Variants in SLC17A7 observed in about 807,000 individuals in gnomAD.
The protein encoded by SLC17A7 is vesicular glutamate transporter 1.
SLC17A7 carries 15 observed loss-of-function variants against 59.1 expected under a neutral mutation model. That is an observed-to-expected ratio of 0.25 (90% CI 0.17 to 0.39). The LOEUF is 0.39. Among genes scored for constraint, SLC17A7 ranks in the 10% least tolerant of loss-of-function variants. The pLI is 1.00. For synonymous variants in SLC17A7, 353 were observed against 308.9 expected, an observed-to-expected ratio of 1.14 and a Z score of -1.50; for missense variants, 499 against 765.1, an observed-to-expected ratio of 0.65 and a Z score of 4.10.
intron 3 of SLC17A7, 136 bp from the exon 4 acceptor site, chr19:49,435,018 T>C (rs1232276663): frequency 9.9e-7 from 1 of 1,010,358 alleles, no homozygotes; most frequent in Admixed American, 1.9e-5. Context: ...TACACCTTCC[T>C]CAATCGCAAG....
rs1157688178 is a variant in SLC17A7, at chr19:49,431,069, G to T, written c.1335C>A (p.Gly445=). The T allele has an allele frequency of 6.2e-7, 1 of 1,613,786 alleles. No homozygotes were observed. Among genetic ancestry groups the T allele is most frequent in the South Asian group, 1.1e-5 (1 of 91,072 alleles). ...SILMGISNGV[G]TLSGMVCPII... ...TGGGGCACACCATGCCCGACAGTGT[G>T]CCCACGCCGTTGGAGATGCCCATGA... Residue 445 remains glycine, a synonymous_variant, in exon 11 of 12, where the codon GGC becomes GGA. Coordinates refer to ENST00000221485, the MANE Select transcript of SLC17A7 (RefSeq NM_020309.4). This position sits in a 1 kb window ranked among gnomAD's most constrained non-coding sequence, Gnocchi z 4.6.
intron 1 of SLC17A7, among the ~76,000 whole-genome samples, chr19:49,439,367 C>T (rs1171798976): frequency 6.6e-6 from 1 of 152,152 alleles, no homozygotes; most frequent in African/African-American, 2.4e-5. Context: ...CCCTCGGCAT[C>T]CCCCTGCCCA....
At position 49,431,796 on chromosome 19, in the gene SLC17A7, T is replaced by A. The variant is rs938000196; in HGVS notation, c.1151-348A>T. On this transcript the variant is annotated intron_variant, in intron 9 of 11. Coordinates refer to ENST00000221485, the MANE Select transcript of SLC17A7 (RefSeq NM_020309.4). The surrounding 1 kb of genome is among the most constrained non-coding windows in gnomAD (Gnocchi z 4.6). ...ATGAGTTTTTGGTTTTTTTTTTTTT[T>A]AATTTTTGATTTTTTATTTTTTTTA... Among the ~76,000 whole-genome samples the A allele has an allele frequency of 2.9e-4, 43 of 149,364 alleles. No homozygotes were observed. The highest frequency in any genetic ancestry group is 4.6e-4 in the Non-Finnish European group (31 of 67,280).
At chr19:49,440,546 C>A (rs1290513711) in intron 1 of SLC17A7, among the ~76,000 whole-genome samples, 1 of 152,092 alleles carries the variant, frequency 6.6e-6, no homozygotes, top group Non-Finnish European at 1.5e-5. Context: ...GCTGTCCTAC[C>A]CCAGGAGCCG....
At chr19:49,439,768 G>A (rs2078992902) in intron 1 of SLC17A7, among the ~76,000 whole-genome samples, 1 of 152,158 alleles carries the variant, frequency 6.6e-6, no homozygotes, top group Non-Finnish European at 1.5e-5. Flanking sequence ...CAGAGCCCGG[G>A]GGTCTCTGGG....
At chr19:49,439,083 C>A (rs1052167298) in intron 1 of SLC17A7, among the ~76,000 whole-genome samples, 24 of 152,026 alleles carry the variant, frequency 1.6e-4, no homozygotes, top group African/African-American at 5.8e-4. Flanking sequence ...CCCTGGATAC[C>A]CCAAACTCAG....
chr19:49,432,466 G>T (rs2078964203), intron 9 of SLC17A7, 53 bp downstream of exon 9: 2 of 1,579,074 alleles, frequency 1.3e-6, no homozygotes, highest in Admixed American at 3.5e-5. Flanking sequence ...TCTCAATCCG[G>T]CTCTGCTCCA....
In SLC17A7 at chr19:49,431,005, C is replaced by G. The variant is rs758102698; in HGVS notation, c.1389+10G>C. The G allele has an allele frequency of 1.6e-5, 25 of 1,600,344 alleles. 1 individual carries two copies. In the South Asian group the frequency reaches 2.8e-4, roughly 18 times the overall value. ...TTGGAGGCAGACTGAGTCAGGACTG[C>G]GGCACCCACCTTGTGCTTAGTCATG... On this transcript the variant is annotated intron_variant, in intron 11 of 11. Transcript: ENST00000221485. This position sits in a 1 kb window ranked among gnomAD's most constrained non-coding sequence, Gnocchi z 4.6.
In SLC17A7 at chr19:49,433,275, G is replaced by A; in HGVS notation, c.868-315C>T. On this transcript the variant is annotated intron_variant, in intron 7 of 11. Coordinates refer to ENST00000221485, the MANE Select transcript of SLC17A7 (RefSeq NM_020309.4). This position sits in a 1 kb window ranked among gnomAD's most constrained non-coding sequence, Gnocchi z 5.7. ...TTACTTTTTGTATTTTGTATTTTGAGTAGAGACGGGGGTTTCGCCATGTTG... is the reference window on the plus strand; with the variant it reads ...TTACTTTTTGTATTTTGTATTTTGAATAGAGACGGGGGTTTCGCCATGTTG... The A allele has an allele frequency of 1.2e-5, 5 of 409,294 alleles. No homozygotes were observed. In the South Asian group the frequency reaches 1.3e-4, roughly 11 times the overall value. The allele number at this position is 409,294 out of a possible 1,614,324, so 25.4% of individuals were successfully genotyped here.
In SLC17A7 at chr19:49,430,348, CT is replaced by C; in HGVS notation, c.*170del. 3.6e-6 allele frequency: 2 copies of C among 555,164 alleles called. No individual in the cohort carries two copies. The highest frequency in any genetic ancestry group is 6.2e-5 in the East Asian group (2 of 32,204). The allele number at this position is 555,164 out of a possible 1,614,324, so 34.4% of individuals were successfully genotyped here. On this transcript the variant is annotated 3_prime_UTR_variant, in exon 12 of 12. Coordinates refer to ENST00000221485, the MANE Select transcript of SLC17A7 (RefSeq NM_020309.4). Reference sequence around the variant, plus strand: ...CTGTCAGTCTGCAGCTTCACTACCCCTGAGAGGCAATTGGGAAGGAAAGAGG... The same window carrying C: ...CTGTCAGTCTGCAGCTTCACTACCCCGAGAGGCAATTGGGAAGGAAAGAGG...
rs758382086 is a variant in SLC17A7, at chr19:49,432,558, T to C, written c.1111A>G (p.Met371Val). The part of the protein sequence containing the change: ...IADFLRSRRI[M>V]STTNVRKLMN... The stretch of plus-strand genomic sequence containing the variant: ...AACTTGCGCACGTTGGTGGTGGACA[T>C]GATGCGGCGGCTCCGCAGGAAGTCC... Residue 371 changes from methionine to valine, a missense_variant, in exon 9 of 12, where the codon ATG (methionine) becomes GTG (valine). Met to Val is a conservative substitution (Grantham distance 21). Transcript: ENST00000221485. The C allele has an allele frequency of 2.5e-6, 4 of 1,613,522 alleles. No individual in the cohort carries two copies. The highest frequency in any genetic ancestry group is 1.3e-5 in the African/African-American group (1 of 75,060).
intron 1 of SLC17A7, chr19:49,437,048 C>CT: frequency 3.4e-6 from 2 of 587,716 alleles, no homozygotes; most frequent in Admixed American, 6.0e-5. Context: ...TTCAGTCCCC[C>CT]TCTCCCAGCT....
At chr19:49,439,333 C>T (rs913634240) in intron 1 of SLC17A7, among the ~76,000 whole-genome samples, 1 of 152,144 alleles carries the variant, frequency 6.6e-6, no homozygotes, top group African/African-American at 2.4e-5. Flanking sequence ...ACAAGAACAG[C>T]AATGGGACCT....
chr19:49,433,677 G>T lies in SLC17A7; in HGVS notation c.867+49C>A, dbSNP rs2078969389. 1 of 1,613,126 alleles carries T rather than the reference G, an allele frequency of 6.2e-7. No individual in the cohort carries two copies. The highest frequency in any genetic ancestry group is 8.5e-7 in the Non-Finnish European group (1 of 1,179,438). Reference sequence around the variant, plus strand: ...CCTGATCTACACGCTGTGCAGGTTCGTGGCTTGCTATCTCTCCCCGCCCCT... The same window carrying T: ...CCTGATCTACACGCTGTGCAGGTTCTTGGCTTGCTATCTCTCCCCGCCCCT... On this transcript the variant is annotated intron_variant, in intron 7 of 11. Coordinates refer to ENST00000221485, the MANE Select transcript of SLC17A7 (RefSeq NM_020309.4). This position sits in a 1 kb window ranked among gnomAD's most constrained non-coding sequence, Gnocchi z 5.7.
At chr19:49,434,710 G>C in intron 4 of SLC17A7, 21 bp from the exon 5 acceptor site, 1 of 1,614,168 alleles carries the variant, frequency 6.2e-7, no homozygotes, top group African/African-American at 1.3e-5. Flanking sequence ...GAAAACCAAG[G>C]TCACTGAGAA....
At chr19:49,434,515 CCCAGCCCCT>C in intron 5 of SLC17A7, 78 bp downstream of exon 5, 1 of 1,268,232 alleles carries the variant, frequency 7.9e-7, no homozygotes, top group Non-Finnish European at 1.1e-6. Context: ...GTTCAGCCCC[CCCAGCCCCT>C]CCCCGCTCAG....
In SLC17A7 at chr19:49,441,526, G is replaced by T; in HGVS notation, c.-147C>A. The T allele has an allele frequency of 9.6e-7, 1 of 1,042,416 alleles. No individual in the cohort carries two copies. The highest frequency in any genetic ancestry group is 1.2e-6 in the Non-Finnish European group (1 of 868,838). 64.6% of individuals were successfully genotyped at this position (1,042,416 alleles called of 1,614,324 possible). A position where few individuals can be genotyped will look rare whatever the true frequency, so the allele number is the denominator to read the frequency against. ...CCGCTCGGGGGGAAGGAGGCTGCAA[G>T]TGCAGGCGGCCCGGGGGCTGTCACA... On this transcript the variant is annotated 5_prime_UTR_variant, in exon 1 of 12. Coordinates refer to ENST00000221485, the MANE Select transcript of SLC17A7 (RefSeq NM_020309.4).
At chr19:49,438,356 G>T in intron 1 of SLC17A7, 1 of 152,602 alleles carries the variant, frequency 6.6e-6, no homozygotes, top group Non-Finnish European at 1.5e-5. Flanking sequence ...AGGATAGACA[G>T]GCTGGGGACG....
At chr19:49,432,786 C>A in intron 8 of SLC17A7, 25 bp downstream of exon 8, 1 of 1,587,272 alleles carries the variant, frequency 6.3e-7, no homozygotes, top group South Asian at 1.1e-5. Flanking sequence ...TCCGCGCCCC[C>A]CTGCCCTCTC....
Sources: allele counts gnomAD v4.1 joint callset (sites outside exome capture counted in the v4.1 genomes callset), GRCh38; gene constraint gnomAD v4.1.1; non-coding constraint Gnocchi (gnomAD v3.1); transcripts MANE v1.5; gene names NCBI Gene and HGNC (gene_info 2026-07-23, HGNC 2026-07-21).